Variants in NRXN3 observed in about 807,000 individuals in gnomAD.
NRXN3 encodes the protein neurexin III.
NRXN3 carries 32 observed loss-of-function variants against 137.6 expected under a neutral mutation model. The observed-to-expected ratio is 0.23, with a 90% CI of 0.18 to 0.31. NRXN3 has a LOEUF of 0.31. Ranked by LOEUF, NRXN3 falls within the 10% of genes least tolerant of loss-of-function variation. NRXN3 has a pLI of 1.00. For missense variants in NRXN3, 1,574 were observed against 2,062.5 expected, an observed-to-expected ratio of 0.76 and a Z score of 4.59; for synonymous variants, 798 against 784.5, an observed-to-expected ratio of 1.02 and a Z score of -0.29.
intron 4 of NRXN3, among the ~76,000 whole-genome samples, chr14:78,315,939 C>T (rs78311100): frequency 0.028 from 4,319 of 152,214 alleles, 199 homozygotes; most frequent in African/African-American, 0.093. Context: ...ATCTCTTGTA[C>T]GCATAGTAAC....
chr14:78,296,707 T>G (rs2076376470), intron 3 of NRXN3, among the ~76,000 whole-genome samples: 2 of 152,338 alleles, frequency 1.3e-5, no homozygotes, highest in South Asian at 4.1e-4. Flanking sequence ...CATGTATCTG[T>G]GTATTTAATA....
chr14:79,014,356 G>A lies in NRXN3; in HGVS notation c.3262+26215G>A, dbSNP rs78059502. On this transcript the variant is annotated intron_variant, in intron 15 of 20. Transcript: ENST00000335750. ...CCCATTTTTTAAGTGAGAACATGCA[G>A]TATTGGGTTTTCTTTTCTTGTGTTA... Among the ~76,000 whole-genome samples the A allele has an allele frequency of 7.2e-3, 1,102 of 152,272 alleles. 13 individuals carry two copies. The highest frequency in any genetic ancestry group is 0.025 in the African/African-American group (1,044 of 41,554).
At chr14:79,651,485 A>G (rs2098475550) in intron 16 of NRXN3, among the ~76,000 whole-genome samples, 1 of 152,196 alleles carries the variant, frequency 6.6e-6, no homozygotes, top group African/African-American at 2.4e-5. Flanking sequence ...ATGGAGGAAG[A>G]CATAGAACAT....
chr14:78,755,590 G>C (rs775400342), intron 8 of NRXN3, among the ~76,000 whole-genome samples: 1 of 152,114 alleles, frequency 6.6e-6, no homozygotes, highest in Non-Finnish European at 1.5e-5. Flanking sequence ...AGTTATGTTG[G>C]GTCTTGTGAA....
chr14:78,225,071 T>C (rs1178064519), intron 1 of NRXN3, among the ~76,000 whole-genome samples: 1 of 152,238 alleles, frequency 6.6e-6, no homozygotes, highest in Admixed American at 6.5e-5. Context: ...CGGCCGCATG[T>C]GTCTTTATAG....
At chr14:79,180,695 G>A (rs2062830341) in intron 15 of NRXN3, among the ~76,000 whole-genome samples, 1 of 151,984 alleles carries the variant, frequency 6.6e-6, no homozygotes, top group African/African-American at 2.4e-5. Context: ...ATATCATAAG[G>A]TACTTGAAAA....
chr14:78,526,308 T>A (rs1249407165), intron 4 of NRXN3, among the ~76,000 whole-genome samples: 1 of 152,196 alleles, frequency 6.6e-6, no homozygotes, highest in Non-Finnish European at 1.5e-5. Context: ...CTGAAATCTC[T>A]CTCTCTTGAC....
rs77277897 is a variant in NRXN3 at position 78,561,751 on chromosome 14, A to C, written c.758-83369A>C. Among the ~76,000 whole-genome samples the C allele has an allele frequency of 8.2e-3, 1,247 of 152,276 alleles. 87 individuals carry two copies. In the East Asian group the frequency reaches 0.18, roughly 22 times the overall value. On this transcript the variant is annotated intron_variant, in intron 4 of 20. Coordinates refer to ENST00000335750, the MANE Select transcript of NRXN3 (RefSeq NM_001330195.2). ...CACTCAGTCATGAAAATGTTCTTTC[A>C]TACCTGGTCTCATCAGTGTAGAGGC...
chr14:79,831,637 A>G (rs2099324069), intron 20 of NRXN3, among the ~76,000 whole-genome samples: 1 of 152,170 alleles, frequency 6.6e-6, no homozygotes, highest in Admixed American at 6.5e-5. Context: ...CATCACTCTA[A>G]GAAATGATGA....
intron 20 of NRXN3, among the ~76,000 whole-genome samples, chr14:79,829,124 A>G (rs983687726): frequency 2.0e-5 from 3 of 152,230 alleles, no homozygotes; most frequent in Non-Finnish European, 2.9e-5. Context: ...TGTTAAAAGG[A>G]AATGGCTTTT....
At chr14:79,212,979 C>A (rs1368105042) in intron 15 of NRXN3, among the ~76,000 whole-genome samples, 1 of 151,838 alleles carries the variant, frequency 6.6e-6, no homozygotes, top group Non-Finnish European at 1.5e-5. Flanking sequence ...TATAAACTTA[C>A]CTTGGAGATT....
chr14:79,013,278 C>T (rs558015563), intron 15 of NRXN3, among the ~76,000 whole-genome samples: 5 of 152,306 alleles, frequency 3.3e-5, no homozygotes, highest in Admixed American at 1.3e-4. Context: ...TAATGACTTA[C>T]ACCTTAGACT....
intron 17 of NRXN3, 21 bp downstream of exon 17, chr14:79,663,970 G>A: frequency 6.2e-7 from 1 of 1,611,054 alleles, no homozygotes; most frequent in Non-Finnish European, 8.5e-7. Flanking sequence ...TTCGCTCAAT[G>A]GTCCTACTCT....
chr14:78,691,464 A>G (rs1477278211), intron 6 of NRXN3, among the ~76,000 whole-genome samples: 1 of 152,198 alleles, frequency 6.6e-6, no homozygotes, highest in African/African-American at 2.4e-5. Flanking sequence ...TGTCACTTTC[A>G]GCTTTCTCTG....
At chr14:79,223,943 C>T (rs564074789) in intron 15 of NRXN3, among the ~76,000 whole-genome samples, 4 of 151,788 alleles carry the variant, frequency 2.6e-5, no homozygotes, top group Admixed American at 6.6e-5. Flanking sequence ...CTATGTATGA[C>T]GGGGAGGAGG....
At chr14:78,326,573 A>G (rs1280589066) in intron 4 of NRXN3, among the ~76,000 whole-genome samples, 1 of 152,174 alleles carries the variant, frequency 6.6e-6, no homozygotes, top group Non-Finnish European at 1.5e-5. Flanking sequence ...AAAGAAAAGA[A>G]CAAAAGGTAT....
chr14:79,397,470 A>T (rs373314790), intron 15 of NRXN3, among the ~76,000 whole-genome samples: 2 of 152,204 alleles, frequency 1.3e-5, no homozygotes, highest in African/African-American at 2.4e-5. Flanking sequence ...AGACCTGCAC[A>T]TTTCTTTGTT....
intron 2 of NRXN3, among the ~76,000 whole-genome samples, chr14:78,256,206 G>T (rs916193221): frequency 1.3e-5 from 2 of 152,154 alleles, no homozygotes; most frequent in Non-Finnish European, 2.9e-5. Context: ...ACTGGAGATG[G>T]AGAGGCCCCA....
intron 15 of NRXN3, among the ~76,000 whole-genome samples, chr14:79,096,155 TG>T (rs1386881099): frequency 6.6e-6 from 1 of 151,832 alleles, no homozygotes; most frequent in Admixed American, 6.6e-5. Flanking sequence ...TCACCCAGGC[TG>T]GAGTGCAGTG....
Sources: gnomAD v4.1 joint callset for allele counts (sites outside exome capture counted in the v4.1 genomes callset) on GRCh38, gnomAD v4.1.1 for gene constraint, MANE v1.5 for transcripts, NCBI Gene and HGNC (gene_info 2026-07-23, HGNC 2026-07-21) for gene names.